KIAA1328: variants seen among roughly 807,000 people sequenced by gnomAD.
KIAA1328 encodes the protein KIAA1328.
KIAA1328 carries 52 observed loss-of-function variants against 68.1 expected under a neutral mutation model. That is an observed-to-expected ratio of 0.76 (90% CI 0.61 to 0.96). KIAA1328 has a LOEUF of 0.96. Among genes scored for constraint, KIAA1328 ranks in the 40% least tolerant of loss-of-function variants. The probability of loss-of-function intolerance (pLI) is 0.00; values close to 1 mark genes in which losing one functional copy is unlikely to be tolerated. For synonymous variants in KIAA1328, 232 were observed against 239.4 expected, an observed-to-expected ratio of 0.97 and a Z score of 0.28; for missense variants, 641 against 677.6, an observed-to-expected ratio of 0.95 and a Z score of 0.60.
At chr18:37,204,762 CAA>C (rs33939558) in intron 9 of KIAA1328, among the ~76,000 whole-genome samples, 9,284 of 103,490 alleles carry the variant, frequency 0.09, 737 homozygotes, top group African/African-American at 0.28. Flanking sequence ...GAGTTTCAGT[CAA>C]AAAAAAAAAA....
In KIAA1328 at chr18:36,834,366, C is replaced by T. The variant is rs371540181; in HGVS notation, c.94+11C>T. ...TAGTATACGTTCCAGGTATGATTTTCTATGTTAAAATTTGGGAAGCTTACT... is the reference window on the plus strand; with the variant it reads ...TAGTATACGTTCCAGGTATGATTTTTTATGTTAAAATTTGGGAAGCTTACT... On this transcript the variant is annotated intron_variant, in intron 2 of 9. Coordinates refer to ENST00000280020, the MANE Select transcript of KIAA1328 (RefSeq NM_020776.3). The T allele has an allele frequency of 1.1e-4, 177 of 1,572,450 alleles. 1 individual carries two copies. In the African/African-American group the frequency reaches 2.2e-3, roughly 20 times the overall value.
intron 6 of KIAA1328, among the ~76,000 whole-genome samples, chr18:36,989,799 G>T (rs189356077): frequency 1.3e-5 from 2 of 152,038 alleles, no homozygotes; most frequent in South Asian, 2.1e-4. Flanking sequence ...GGTTCATGCC[G>T]TTCTCCTGCC....
chr18:37,175,385 G>T (rs1353310622), intron 9 of KIAA1328, among the ~76,000 whole-genome samples: 1 of 152,088 alleles, frequency 6.6e-6, no homozygotes, highest in East Asian at 1.9e-4. Flanking sequence ...TACAAGCCCA[G>T]GTTAAAACTG....
intron 7 of KIAA1328, among the ~76,000 whole-genome samples, chr18:37,145,487 T>C (rs966801087): frequency 6.6e-5 from 10 of 152,226 alleles, no homozygotes; most frequent in Admixed American, 2.6e-4. Context: ...ATTGTTCACT[T>C]CTTCTTTAGC....
intron 6 of KIAA1328, among the ~76,000 whole-genome samples, chr18:37,035,668 C>T (rs1464197245): frequency 6.6e-6 from 1 of 152,090 alleles, no homozygotes; most frequent in Non-Finnish European, 1.5e-5. Flanking sequence ...AATCTCTTCC[C>T]GTATTATAGT....
chr18:37,192,422 A>T (rs2059924087), intron 9 of KIAA1328, among the ~76,000 whole-genome samples: 1 of 152,200 alleles, frequency 6.6e-6, no homozygotes, highest in African/African-American at 2.4e-5. Flanking sequence ...CATAAAATGG[A>T]ATGGATGTAT....
intron 5 of KIAA1328, among the ~76,000 whole-genome samples, chr18:36,921,778 A>T (rs953172462): frequency 6.6e-6 from 1 of 152,162 alleles, no homozygotes; most frequent in Admixed American, 6.5e-5. Context: ...CTTCACTATC[A>T]GAATCTTCCA....
In KIAA1328 at chr18:36,885,562, G is replaced by A. The variant is rs769744190; in HGVS notation, c.338G>A (p.Ser113Asn). Reference sequence around the variant, plus strand: ...TTTTTTTTTTTTTATTTCAGAGTAAGTGAGGAAAAGGAAGTGACAGAGGAA... The same window carrying A: ...TTTTTTTTTTTTTATTTCAGAGTAAATGAGGAAAAGGAAGTGACAGAGGAA... ...ANLIKELARVSEEKEVTEERL... is the reference protein window; with the variant it reads ...ANLIKELARVNEEKEVTEERL... Residue 113 changes from serine to asparagine, a missense_variant, in exon 5 of 10, where the codon AGT (serine) becomes AAT (asparagine). By Grantham distance (46) the Ser-to-Asn change is conservative. Transcript: ENST00000280020. 1 of 1,527,116 alleles carries A rather than the reference G, an allele frequency of 6.5e-7. No individual in the cohort carries two copies. The highest frequency in any genetic ancestry group is 8.8e-7 in the Non-Finnish European group (1 of 1,137,924). 94.6% of individuals were successfully genotyped at this position (1,527,116 alleles called of 1,614,324 possible).
At chr18:36,851,041 A>G (rs72885260) in intron 4 of KIAA1328, among the ~76,000 whole-genome samples, 20,720 of 152,128 alleles carry the variant, frequency 0.14, 1,756 homozygotes, top group Admixed American at 0.18. Context: ...GATTTTGTCA[A>G]AAGCTTTTCT....
At chr18:37,098,031 T>A (rs2151856111) in intron 7 of KIAA1328, among the ~76,000 whole-genome samples, 1 of 152,330 alleles carries the variant, frequency 6.6e-6, no homozygotes, top group East Asian at 1.9e-4. Context: ...AGGGACAATT[T>A]GACTTCCTCT....
At chr18:37,121,669 G>T (rs1275895820) in intron 7 of KIAA1328, among the ~76,000 whole-genome samples, 2 of 152,108 alleles carry the variant, frequency 1.3e-5, no homozygotes, top group African/African-American at 4.8e-5. Flanking sequence ...TCAAAAGCTA[G>T]CTTTCCTAGT....
chr18:37,065,796 T>C (rs1192177213), intron 6 of KIAA1328, among the ~76,000 whole-genome samples: 1 of 152,244 alleles, frequency 6.6e-6, no homozygotes, highest in East Asian at 1.9e-4. Flanking sequence ...TAAACTATAA[T>C]ATTTCTGTTT....
intron 7 of KIAA1328, among the ~76,000 whole-genome samples, chr18:37,105,916 C>CAAAAAAAAAAAAAAAAAAAAAAAAAA (rs58940699): frequency 1.0e-4 from 2 of 19,504 alleles, no homozygotes; most frequent in Non-Finnish European, 1.4e-4. Flanking sequence ...GACTCTGTGT[C>CAAAAAAAAAAAAAAAAAAAAAAAAAA]AAAAAAAAAA....
intron 6 of KIAA1328, among the ~76,000 whole-genome samples, chr18:36,967,416 A>G (rs1194808967): frequency 1.3e-5 from 2 of 152,344 alleles, no homozygotes; most frequent in African/African-American, 4.8e-5. Flanking sequence ...TCAGCTGACA[A>G]CCTGGATTCA....
chr18:36,964,607 T>C (rs184642495), intron 6 of KIAA1328, among the ~76,000 whole-genome samples: 18 of 152,308 alleles, frequency 1.2e-4, no homozygotes, highest in African/African-American at 4.3e-4. Flanking sequence ...GTTTTCTCCC[T>C]ATCCTCTTTC....
intron 7 of KIAA1328, among the ~76,000 whole-genome samples, chr18:37,077,385 G>C (rs1275498086): frequency 1.4e-5 from 2 of 147,490 alleles, no homozygotes; most frequent in Non-Finnish European, 3.0e-5. Context: ...CATACTGAAT[G>C]GGCAAAAACT....
At chr18:36,921,501 T>A (rs909103180) in intron 5 of KIAA1328, among the ~76,000 whole-genome samples, 1 of 152,176 alleles carries the variant, frequency 6.6e-6, no homozygotes, top group African/African-American at 2.4e-5. Context: ...CCTCCCGGGT[T>A]CACGCCATTC....
At chr18:37,091,765 G>T (rs1035822349) in intron 7 of KIAA1328, among the ~76,000 whole-genome samples, 1 of 152,182 alleles carries the variant, frequency 6.6e-6, no homozygotes, top group Non-Finnish European at 1.5e-5. Flanking sequence ...GGACCCAGTA[G>T]TGAAGCCAGA....
intron 7 of KIAA1328, among the ~76,000 whole-genome samples, chr18:37,126,221 A>G (rs908641452): frequency 2.0e-5 from 3 of 152,228 alleles, no homozygotes; most frequent in Admixed American, 1.3e-4. Context: ...ATCCCAAAAT[A>G]TCTCATATGT....
Sources: allele counts gnomAD v4.1 joint callset (sites outside exome capture counted in the v4.1 genomes callset), GRCh38; gene constraint gnomAD v4.1.1; transcripts MANE v1.5; gene names NCBI Gene and HGNC (gene_info 2026-07-23, HGNC 2026-07-21).